EPS8: variants seen among roughly 807,000 people sequenced by gnomAD.
The protein encoded by EPS8 is epidermal growth factor receptor kinase substrate 8.
EPS8 carries 42 observed loss-of-function variants against 103.8 expected under a neutral mutation model. The ratio of observed to expected loss-of-function variants is 0.40; its 90% CI spans 0.32 to 0.52. EPS8 has a LOEUF of 0.52. Ranked by LOEUF, EPS8 falls within the 20% of genes least tolerant of loss-of-function variation. EPS8 has a pLI of 0.40. For missense variants in EPS8, 969 were observed against 1,005.1 expected (o/e 0.96, Z 0.49); for synonymous variants, 344 against 344.6 (o/e 1.00, Z 0.02).
In EPS8 at chr12:15,731,737, T is replaced by A. The variant is rs532705087; in HGVS notation, c.-21-48765A>T. ...ATTTCATTTTGTCTTCGTGTAAGGG[T>A]CAATAATTTCAATCATCCCCCAAAC... On this transcript the variant is annotated intron_variant, in intron 1 of 20. Coordinates refer to ENST00000281172, the MANE Select transcript of EPS8 (RefSeq NM_004447.6). The surrounding 1 kb of genome is among the most constrained non-coding windows in gnomAD (Gnocchi z 5.1). 6.6e-6 allele frequency among the ~76,000 whole-genome samples: 1 copy of A among 152,260 alleles called. No homozygotes were observed. The highest frequency in any genetic ancestry group is 1.5e-5 in the Non-Finnish European group (1 of 68,020).
chr12:15,662,999 C>CAA (rs5796644), intron 8 of EPS8, among the ~76,000 whole-genome samples: 5 of 128,692 alleles, frequency 3.9e-5, no homozygotes, highest in African/African-American at 8.7e-5. Flanking sequence ...CACTTGCCAA[C>CAA]AAAAAAAAAA....
intron 3 of EPS8, among the ~76,000 whole-genome samples, chr12:15,675,741 T>C (rs1182623988): frequency 1.3e-5 from 2 of 152,250 alleles, no homozygotes; most frequent in East Asian, 1.9e-4. Context: ...GGTAATTCAA[T>C]GAAATGAGTT....
intron 1 of EPS8, among the ~76,000 whole-genome samples, chr12:15,729,155 C>T (rs928570809): frequency 2.0e-5 from 3 of 152,092 alleles, no homozygotes; most frequent in African/African-American, 7.2e-5. Flanking sequence ...TGAAGTCACC[C>T]CCCGACCTGT....
intron 1 of EPS8, among the ~76,000 whole-genome samples, chr12:15,766,502 A>G (rs888253107): frequency 7.3e-5 from 11 of 151,184 alleles, no homozygotes; most frequent in Non-Finnish European, 1.5e-4. Flanking sequence ...ATCTCAAAAA[A>G]AAAAAAAAAT....
chr12:15,650,745 G>C lies in EPS8; in HGVS notation c.1434+78C>G, dbSNP rs1945397811. ...AACAATTTTCAGTTGAATAAAATGAGAACTTGCAATCAGAATTACAAGAGA... is the reference window on the plus strand; with the variant it reads ...AACAATTTTCAGTTGAATAAAATGACAACTTGCAATCAGAATTACAAGAGA... On this transcript the variant is annotated intron_variant, in intron 14 of 20. Coordinates refer to ENST00000281172, the MANE Select transcript of EPS8 (RefSeq NM_004447.6). 7 of 1,196,338 alleles carry C rather than the reference G, an allele frequency of 5.9e-6. No individual in the cohort carries two copies. In the Admixed American group the frequency reaches 1.5e-4, roughly 25 times the overall value. The allele number at this position is 1,196,338 out of a possible 1,614,324, so 74.1% of individuals were successfully genotyped here.
rs1273216480 is a variant in EPS8 at position 15,714,750 on chromosome 12, G to C, written c.-21-31778C>G. On this transcript the variant is annotated intron_variant, in intron 1 of 20. Transcript: ENST00000281172. This position sits in a 1 kb window ranked among gnomAD's most constrained non-coding sequence, Gnocchi z 4.1. The stretch of plus-strand genomic sequence containing the variant: ...AACAAAAATACATTCTCTGTATAGT[G>C]CACTCAGAGTTTTCATCAGGTTTCT... Among the ~76,000 whole-genome samples the C allele has an allele frequency of 6.6e-6, 1 of 152,128 alleles. No homozygotes were observed. The highest frequency in any genetic ancestry group is 2.4e-5 in the African/African-American group (1 of 41,416).
At chr12:15,625,690 C>T (rs975745833) in intron 18 of EPS8, among the ~76,000 whole-genome samples, 1 of 152,096 alleles carries the variant, frequency 6.6e-6, no homozygotes, top group African/African-American at 2.4e-5. Flanking sequence ...TCCAGGATAC[C>T]ACAGTCTCCT....
rs917521197 is a variant in EPS8 at position 15,620,339 on chromosome 12, T to A, written c.*978A>T. On this transcript the variant is annotated 3_prime_UTR_variant, in exon 21 of 21. Coordinates refer to ENST00000281172, the MANE Select transcript of EPS8 (RefSeq NM_004447.6). ...ATAATATAACATTTAATGACAAAAA[T>A]TGTGTTTCCAAAAATAACATTTGTT... 6.6e-6 allele frequency: 1 copy of A among 152,638 alleles called. No homozygotes were observed. The highest frequency in any genetic ancestry group is 1.5e-5 in the Non-Finnish European group (1 of 68,042). 9.5% of individuals were successfully genotyped at this position (152,638 alleles called of 1,614,324 possible).
At chr12:15,732,759 C>G in intron 1 of EPS8, 1 of 982,728 alleles carries the variant, frequency 1.0e-6, no homozygotes, top group Non-Finnish European at 1.2e-6. Context: ...TGCCAGATTA[C>G]TCATAGTTTG....
chr12:15,677,365 G>A (rs1052914422), intron 3 of EPS8, among the ~76,000 whole-genome samples: 21 of 152,110 alleles, frequency 1.4e-4, no homozygotes, highest in African/African-American at 4.3e-4. Context: ...CTGCCTTTCC[G>A]AGCACATTCA....
intron 3 of EPS8, among the ~76,000 whole-genome samples, chr12:15,672,689 T>C (rs1945837369): frequency 6.6e-6 from 1 of 152,256 alleles, no homozygotes; most frequent in African/African-American, 2.4e-5. Context: ...ACATCGATAA[T>C]TGTCCCTGTG....
intron 18 of EPS8, among the ~76,000 whole-genome samples, chr12:15,626,273 T>C (rs1160304048): frequency 1.3e-5 from 2 of 152,138 alleles, no homozygotes; most frequent in African/African-American, 2.4e-5. Flanking sequence ...TCTCTCTGCT[T>C]CCACTCCCTA....
chr12:15,630,740 G>C (rs1348653324), intron 18 of EPS8, among the ~76,000 whole-genome samples: 1 of 152,204 alleles, frequency 6.6e-6, no homozygotes, highest in African/African-American at 2.4e-5. Flanking sequence ...GGCGACAGCA[G>C]GATGTAGTTA....
chr12:15,623,647 T>C (rs1302999031), intron 19 of EPS8, among the ~76,000 whole-genome samples: 1 of 152,174 alleles, frequency 6.6e-6, no homozygotes, highest in Non-Finnish European at 1.5e-5. Flanking sequence ...GCTGGGTAGG[T>C]GAGTTTATAA....
At chr12:15,765,784 C>A (rs1415063935) in intron 1 of EPS8, among the ~76,000 whole-genome samples, 1 of 148,594 alleles carries the variant, frequency 6.7e-6, no homozygotes. Flanking sequence ...TGACACATAT[C>A]TACTTTTGGA....
intron 8 of EPS8, among the ~76,000 whole-genome samples, chr12:15,663,932 A>ATAAT (rs1457573053): frequency 5.4e-3 from 25 of 4,644 alleles, no homozygotes; most frequent in African/African-American, 7.0e-3. Flanking sequence ...AAAAAAAAAA[A>ATAAT]AAAAAAAAAA....
intron 14 of EPS8, among the ~76,000 whole-genome samples, chr12:15,649,382 TAGTC>T (rs1186159500): frequency 6.6e-5 from 10 of 152,190 alleles, no homozygotes; most frequent in Non-Finnish European, 1.3e-4. Flanking sequence ...GATGTAAAAA[TAGTC>T]AGCTGTAACT....
At position 15,696,965 on chromosome 12, in the gene EPS8, G is replaced by C. The variant is rs190087358; in HGVS notation, c.-21-13993C>G. Among the ~76,000 whole-genome samples, 1 of 152,176 alleles carries C rather than the reference G, an allele frequency of 6.6e-6. No individual in the cohort carries two copies. The highest frequency in any genetic ancestry group is 1.5e-5 in the Non-Finnish European group (1 of 68,032). On this transcript the variant is annotated intron_variant, in intron 1 of 20. Transcript: ENST00000281172. This position sits in a 1 kb window ranked among gnomAD's most constrained non-coding sequence, Gnocchi z 4.8. ...GATTTTTGTTTGGGAATTTCAGATA[G>C]ATTTGTTTGGGTAAGTAAGCTATTT...
At position 15,780,954 on chromosome 12, in the gene EPS8, T is replaced by G. The variant is rs998247344; in HGVS notation, c.-22+8207A>C. ...GCAAGCCTTTTGTGAGTGTGTCATATGGCTGACACATATGGTCATATGTTG... is the reference window on the plus strand; with the variant it reads ...GCAAGCCTTTTGTGAGTGTGTCATAGGGCTGACACATATGGTCATATGTTG... On this transcript the variant is annotated intron_variant, in intron 1 of 20. Transcript: ENST00000281172. This position sits in a 1 kb window ranked among gnomAD's most constrained non-coding sequence, Gnocchi z 4.1. 6.6e-6 allele frequency among the ~76,000 whole-genome samples: 1 copy of G among 152,238 alleles called. No homozygotes were observed. The highest frequency in any genetic ancestry group is 1.5e-5 in the Non-Finnish European group (1 of 68,040).
Sources: gnomAD v4.1 joint callset for allele counts (sites outside exome capture counted in the v4.1 genomes callset) on GRCh38, gnomAD v4.1.1 for gene constraint, Gnocchi (gnomAD v3.1) non-coding constraint, MANE v1.5 for transcripts, NCBI Gene and HGNC (gene_info 2026-07-23, HGNC 2026-07-21) for gene names.